MAP7D3: variants seen among roughly 807,000 people sequenced by gnomAD.
MAP7D3 encodes the protein MAP7 domain containing 3, also known as MAP7 domain-containing protein 3.
A neutral mutation model predicts 62.2 loss-of-function variants in MAP7D3; 45 were observed. The ratio of observed to expected loss-of-function variants is 0.72; its 90% CI spans 0.57 to 0.93. The LOEUF (loss-of-function observed/expected upper bound fraction) is 0.93, where lower values mean the gene tolerates loss of function less well. Ranked by LOEUF, MAP7D3 falls within the 40% of genes least tolerant of loss-of-function variation. MAP7D3 has a pLI of 0.00. For synonymous variants in MAP7D3, 288 were observed against 248.8 expected (o/e 1.16, Z -1.48); for missense variants, 711 against 683.1 (o/e 1.04, Z -0.45).
intron 10 of MAP7D3, 96 bp from the exon 11 acceptor site, chrX:136,228,854 A>G: frequency 1.5e-6 from 1 of 685,691 alleles, no homozygotes; most frequent in Non-Finnish European, 2.0e-6. Context: ...AAATATATAT[A>G]TATGTGCGTA....
chrX:136,227,939 T>A (rs377761957), intron 11 of MAP7D3, among the ~76,000 whole-genome samples: 1 of 112,119 alleles, frequency 8.9e-6, no homozygotes, highest in African/African-American at 3.2e-5. Flanking sequence ...CCCAAGCCCA[T>A]ATAAGCATAT....
rs762571492 is a variant in MAP7D3, at chrX:136,251,347, G to A, written c.12C>T (p.Asp4=). MMA[D]GAAAGAGGSP... is the part of the protein sequence containing the mutation. Reference sequence around the variant, plus strand: ...TGCCGCCAGCGCCAGCTGCGGCGCCGTCCGCCATCATCGGAGTCGGGACCG... The same window carrying A: ...TGCCGCCAGCGCCAGCTGCGGCGCCATCCGCCATCATCGGAGTCGGGACCG... Residue 4 remains aspartate (D), a synonymous_variant, in exon 1 of 19, where the codon GAC becomes GAT. Coordinates refer to ENST00000316077, the MANE Select transcript of MAP7D3 (RefSeq NM_024597.4). The A allele has an allele frequency of 2.7e-6, 3 of 1,123,471 alleles. No homozygotes were observed. Among genetic ancestry groups the A allele is most frequent in the Non-Finnish European group, 2.3e-6 (2 of 857,865 alleles). 92.6% of individuals were successfully genotyped at this position (1,123,471 alleles called of 1,213,427 possible). A position where few individuals can be genotyped will look rare whatever the true frequency, so the allele number is the denominator to read the frequency against.
Position 136,248,395 on chromosome X carries a change from C to T in MAP7D3, c.71-2054G>A, listed in dbSNP as rs190016496. On this transcript the variant is annotated intron_variant, in intron 1 of 18. Coordinates refer to ENST00000316077, the MANE Select transcript of MAP7D3 (RefSeq NM_024597.4). ...AGGGTTTAAAAATTATTTAAAATGTCCAGAAAATGGGATAACACCTTTATG... is the reference window on the plus strand; with the variant it reads ...AGGGTTTAAAAATTATTTAAAATGTTCAGAAAATGGGATAACACCTTTATG... 3.6e-5 allele frequency among the ~76,000 whole-genome samples: 4 copies of T among 111,403 alleles called. No individual in the cohort carries two copies. The East Asian group carries it at 1.1e-3, about 31-fold the overall frequency.
intron 1 of MAP7D3, among the ~76,000 whole-genome samples, chrX:136,249,271 C>G (rs776392504): frequency 1.8e-5 from 2 of 112,258 alleles, no homozygotes; most frequent in East Asian, 5.6e-4. Context: ...TGTCAATCTC[C>G]GTAGCTTTTT....
rs760396575 is a variant in MAP7D3, at chrX:136,223,277, TACAA to T, written c.2194-795_2194-792del. ...ATGCAAATGACCACAACTGGGTAAT[TACAA>T]ACAGACAAAATATCAGTCTTGTAGC... On this transcript the variant is annotated intron_variant, in intron 14 of 18. Transcript: ENST00000316077. Among the ~76,000 whole-genome samples the T allele has an allele frequency of 2.9e-3, 325 of 111,492 alleles. 1 individual carries two copies. The highest frequency in any genetic ancestry group is 0.01 in the African/African-American group (307 of 30,680).
chrX:136,232,784 T>C (rs2074286610), intron 7 of MAP7D3, among the ~76,000 whole-genome samples: 1 of 111,909 alleles, frequency 8.9e-6, no homozygotes, highest in South Asian at 3.7e-4. Context: ...TTATTTTTCC[T>C]ATGAAACGGA....
chrX:136,237,216 G>A (rs146541671), intron 6 of MAP7D3, among the ~76,000 whole-genome samples: 1 of 111,900 alleles, frequency 8.9e-6, no homozygotes, highest in Non-Finnish European at 1.9e-5. Flanking sequence ...CAGTATCATC[G>A]GAAAATTCCT....
In MAP7D3 at chrX:136,231,642, C is replaced by T. The variant is rs2074268383; in HGVS notation, c.1315G>A (p.Glu439Lys). ...SVKGSPKESMEASPEAMVKAS... is the reference protein window; with the variant it reads ...SVKGSPKESMKASPEAMVKAS... ...TTCACCATCGCCTCAGGAGATGCCTCCATGCTCTCCTTGGGTGACCCTTTC... is the reference window on the plus strand; with the variant it reads ...TTCACCATCGCCTCAGGAGATGCCTTCATGCTCTCCTTGGGTGACCCTTTC... Residue 439 changes from glutamate (E) to lysine (K), a missense_variant, in exon 8 of 19, where the codon GAG (glutamate) becomes AAG (lysine). Transcript: ENST00000316077. 8.3e-7 allele frequency: 1 copy of T among 1,209,239 alleles called. No homozygotes were observed. The highest frequency in any genetic ancestry group is 1.1e-6 in the Non-Finnish European group (1 of 893,738).
chrX:136,230,671 G>T, intron 9 of MAP7D3, 78 bp from the exon 10 acceptor site: 1 of 876,131 alleles, frequency 1.1e-6, no homozygotes, highest in Non-Finnish European at 1.6e-6. Flanking sequence ...ATTATGAGAT[G>T]ACATTATAAT....
Position 136,232,737 on chromosome X carries a change from G to T in MAP7D3, c.737-517C>A, listed in dbSNP as rs779945368. 2.0e-3 allele frequency among the ~76,000 whole-genome samples: 222 copies of T among 111,966 alleles called. 1 individual carries two copies. Among genetic ancestry groups the T allele is most frequent in the Non-Finnish European group, 3.4e-3 (181 of 53,233 alleles). Reference sequence around the variant, plus strand: ...ATAAGACATTAATCAGAGTGGGTTGGATCTCCAAGGTCCTTTCCACCTTTA... The same window carrying T: ...ATAAGACATTAATCAGAGTGGGTTGTATCTCCAAGGTCCTTTCCACCTTTA... On this transcript the variant is annotated intron_variant, in intron 7 of 18. Coordinates refer to ENST00000316077, the MANE Select transcript of MAP7D3 (RefSeq NM_024597.4).
At chrX:136,223,263 C>T (rs1279101125) in intron 14 of MAP7D3, among the ~76,000 whole-genome samples, 2 of 110,805 alleles carry the variant, frequency 1.8e-5, no homozygotes, top group Admixed American at 1.9e-4. Flanking sequence ...TGCAAATGAC[C>T]ACAACTGGGT....
chrX:136,226,070 G>T, intron 12 of MAP7D3, 57 bp from the exon 13 acceptor site: 1 of 826,880 alleles, frequency 1.2e-6, no homozygotes, highest in Non-Finnish European at 1.7e-6. Flanking sequence ...TGACATCAGA[G>T]AACTCTAGTT....
At chrX:136,227,516 C>A in intron 11 of MAP7D3, 85 bp from the exon 12 acceptor site, 1 of 627,466 alleles carries the variant, frequency 1.6e-6, no homozygotes, top group Non-Finnish European at 2.5e-6. Context: ...AGTGAAACTT[C>A]CTGTGTATAG....
rs768879667 is a variant in MAP7D3 at position 136,222,387 on chromosome X, A to T, written c.2287+6T>A. ...TAAGCAGTCTAGCTCCTAAATGGTG[A>T]CTAACCTGATGGAAACATTTCATTC... On this transcript the variant is annotated splice_donor_region_variant and intron_variant, in intron 15 of 18. Transcript: ENST00000316077. 5.9e-6 allele frequency: 7 copies of T among 1,196,194 alleles called. No individual in the cohort carries two copies. The highest frequency in any genetic ancestry group is 7.9e-6 in the Non-Finnish European group (7 of 882,828).
upstream of MAP7D3, chrX:136,251,468 CGGGGCG>C: frequency 8.1e-6 from 1 of 123,573 alleles, no homozygotes; most frequent in Non-Finnish European, 1.1e-5. Context: ...CGGGGCGGGG[CGGGGCG>C]GGGCGGGGCC....
chrX:136,225,987 T>C lies in MAP7D3; in HGVS notation c.2061A>G (p.Gln687=), dbSNP rs1430073739. The C allele has an allele frequency of 1.7e-6, 2 of 1,201,904 alleles. No individual in the cohort carries two copies. Among genetic ancestry groups the C allele is most frequent in the Non-Finnish European group, 2.2e-6 (2 of 889,771 alleles). ...LQKGDAKIKA[Q]EEADKRKKEH... Reference sequence around the variant, plus strand: ...CTTTCTTGCGTTTGTCAGCTTCCTCTTGAGCTTTTATTTTGGCGTCCCCTT... The same window carrying C: ...CTTTCTTGCGTTTGTCAGCTTCCTCCTGAGCTTTTATTTTGGCGTCCCCTT... The change falls in exon 13 of 19, where the codon CAA becomes CAG. Residue 687 remains glutamine (Q), a synonymous_variant. Coordinates refer to ENST00000316077, the MANE Select transcript of MAP7D3 (RefSeq NM_024597.4).
downstream of MAP7D3, among the ~76,000 whole-genome samples, chrX:136,215,883 G>T (rs893781362): frequency 9.0e-6 from 1 of 111,629 alleles, no homozygotes; most frequent in Non-Finnish European, 1.9e-5. Context: ...AGCACTGAAT[G>T]TGAGAATTAA....
Position 136,231,831 on chromosome X carries a change from T to C in MAP7D3, c.1126A>G (p.Thr376Ala), listed in dbSNP as rs1463788907. 2.5e-6 allele frequency: 3 copies of C among 1,211,691 alleles called. No homozygotes were observed. The highest frequency in any genetic ancestry group is 3.4e-6 in the Non-Finnish European group (3 of 895,491). Reference sequence around the variant, plus strand: ...GCTACTATGCTCACCTTGGGAACTGTTTCCAGGTCCACCTTCGGGAGTGCT... The same window carrying C: ...GCTACTATGCTCACCTTGGGAACTGCTTCCAGGTCCACCTTCGGGAGTGCT... ...IEALPKVDLETVPKVSIVASP... is the reference protein window; with the variant it reads ...IEALPKVDLEAVPKVSIVASP... Residue 376 changes from threonine to alanine, a missense_variant, in exon 8 of 19, where the codon ACA becomes GCA. Transcript: ENST00000316077.
rs1270934577 is a variant in MAP7D3, at chrX:136,251,366, G to C, written c.-8C>G. 1.5e-5 allele frequency: 17 copies of C among 1,114,073 alleles called. No individual in the cohort carries two copies. The highest frequency in any genetic ancestry group is 1.9e-5 in the Non-Finnish European group (16 of 852,471). The allele number at this position is 1,114,073 out of a possible 1,213,427, so 91.8% of individuals were successfully genotyped here. On this transcript the variant is annotated 5_prime_UTR_variant, in exon 1 of 19. Coordinates refer to ENST00000316077, the MANE Select transcript of MAP7D3 (RefSeq NM_024597.4). ...GGCGCCGTCCGCCATCATCGGAGTC[G>C]GGACCGGAGGCGGTGGTGGCTCTCC...
Sources: gnomAD v4.1 joint callset for allele counts (sites outside exome capture counted in the v4.1 genomes callset) on GRCh38, gnomAD v4.1.1 for gene constraint, MANE v1.5 for transcripts, NCBI Gene and HGNC (gene_info 2026-07-23, HGNC 2026-07-21) for gene names.